DNAJC10: variants seen among roughly 807,000 people sequenced by gnomAD.
DNAJC10 encodes the protein endoplasmic reticulum disulfide reductase DNAJC10.
In DNAJC10, 101 loss-of-function variants were observed where a neutral mutation model predicts 115.0. The ratio of observed to expected loss-of-function variants is 0.88; its 90% CI spans 0.75 to 1.04. The LOEUF is 1.04. DNAJC10 is among the 50% of genes least tolerant of loss of function. The pLI is 0.00. For synonymous variants in DNAJC10, 307 were observed against 301.5 expected, an observed-to-expected ratio of 1.02 and a Z score of -0.19; for missense variants, 981 against 928.8, an observed-to-expected ratio of 1.06 and a Z score of -0.73.
In DNAJC10 at chr2:182,759,209, A is replaced by C; in HGVS notation, c.2047A>C (p.Lys683Gln). The change falls in exon 21 of 24, where the codon AAA becomes CAA. Residue 683 changes from lysine (K) to glutamine (Q), a missense_variant. By Grantham distance (53) the Lys-to-Gln change is moderately conservative. Coordinates refer to ENST00000264065, the MANE Select transcript of DNAJC10 (RefSeq NM_018981.4). ...TDLTPQTFSE[K>Q]VLQGKNHWVI... is the part of the protein sequence containing the mutation. ...TCTAACACCTCAGACTTTCAGTGAAAAAGTTCTACAAGGGAAAAATCATTG... is the reference window on the plus strand; with the variant it reads ...TCTAACACCTCAGACTTTCAGTGAACAAGTTCTACAAGGGAAAAATCATTG... 1 of 1,608,442 alleles carries C rather than the reference A, an allele frequency of 6.2e-7. No individual in the cohort carries two copies. Among genetic ancestry groups the C allele is most frequent in the Non-Finnish European group, 8.5e-7 (1 of 1,178,752 alleles).
Position 182,732,482 on chromosome 2 carries a change from G to A in DNAJC10, c.806-17G>A. ...TAATAAAGGTAAAACTGCCTCATAAGGTTTTTTTGTCCCCAGATTGTTTGA... is the reference window on the plus strand; with the variant it reads ...TAATAAAGGTAAAACTGCCTCATAAAGTTTTTTTGTCCCCAGATTGTTTGA... On this transcript the variant is annotated splice_polypyrimidine_tract_variant and intron_variant, in intron 9 of 23. Coordinates refer to ENST00000264065, the MANE Select transcript of DNAJC10 (RefSeq NM_018981.4). 1 of 1,613,282 alleles carries A rather than the reference G, an allele frequency of 6.2e-7. No homozygotes were observed. The highest frequency in any genetic ancestry group is 1.3e-5 in the African/African-American group (1 of 74,980).
intron 21 of DNAJC10, 70 bp from the exon 22 acceptor site, chr2:182,762,612 C>T: frequency 4.1e-6 from 6 of 1,480,414 alleles, no homozygotes; most frequent in South Asian, 1.2e-5. Context: ...GTTTTATATC[C>T]TATTGCTTTG....
intron 15 of DNAJC10, 26 bp from the exon 16 acceptor site, chr2:182,752,046 G>T: frequency 6.4e-7 from 1 of 1,557,800 alleles, no homozygotes; most frequent in Non-Finnish European, 8.8e-7. Context: ...TTGGCTCGGT[G>T]CTTATGAATA....
At chr2:182,760,404 A>G (rs1251681299) in intron 21 of DNAJC10, among the ~76,000 whole-genome samples, 1 of 152,186 alleles carries the variant, frequency 6.6e-6, no homozygotes, top group African/African-American at 2.4e-5. Flanking sequence ...AATGGAAATA[A>G]TTAGTTGTAG....
chr2:182,729,974 AG>A lies in DNAJC10; in HGVS notation c.727+36del, dbSNP rs753174442. 5.6e-6 allele frequency: 8 copies of A among 1,439,446 alleles called. No individual in the cohort carries two copies. In the Admixed American group the frequency reaches 7.5e-5, roughly 13 times the overall value. The allele number at this position is 1,439,446 out of a possible 1,614,324, so 89.2% of individuals were successfully genotyped here. A position where few individuals can be genotyped will look rare whatever the true frequency, so the allele number is the denominator to read the frequency against. On this transcript the variant is annotated intron_variant, in intron 8 of 23. Coordinates refer to ENST00000264065, the MANE Select transcript of DNAJC10 (RefSeq NM_018981.4). ...TATTTTCTTAATTTGCTTGATTTTC[AG>A]GGTATTTTGAAATCAGTATTTTGTT...
At chr2:182,752,230 A>G in intron 16 of DNAJC10, 42 bp downstream of exon 16, 1 of 1,088,378 alleles carries the variant, frequency 9.2e-7, no homozygotes, top group Non-Finnish European at 1.3e-6. Flanking sequence ...AATTTTATAA[A>G]ATGAAGACCT....
At chr2:182,745,708 G>C (rs115808795) in intron 14 of DNAJC10, among the ~76,000 whole-genome samples, 2,742 of 151,356 alleles carry the variant, frequency 0.018, 43 homozygotes, top group Non-Finnish European at 0.028. Context: ...TTTTTTTATG[G>C]ACAAGTTTTT....
chr2:182,732,477 CAT>C lies in DNAJC10; in HGVS notation c.806-20_806-19del. 3.1e-6 allele frequency: 5 copies of C among 1,613,102 alleles called. No homozygotes were observed. Among genetic ancestry groups the C allele is most frequent in the Non-Finnish European group, 4.2e-6 (5 of 1,179,226 alleles). On this transcript the variant is annotated intron_variant, in intron 9 of 23. Transcript: ENST00000264065. ...AGGCTTAATAAAGGTAAAACTGCCT[CAT>C]AAGGTTTTTTTGTCCCCAGATTGTT...
rs1012408230 is a variant in DNAJC10 at position 182,786,163 on chromosome 2, G to A, written c.*9031G>A. 1 of 152,068 alleles carries A rather than the reference G, an allele frequency of 6.6e-6. No homozygotes were observed. Among genetic ancestry groups the A allele is most frequent in the Non-Finnish European group, 1.5e-5 (1 of 67,988 alleles). 9.4% of individuals were successfully genotyped at this position (152,068 alleles called of 1,614,324 possible). A position where few individuals can be genotyped will look rare whatever the true frequency, so the allele number is the denominator to read the frequency against. ...CGCAAAATATTGTTTTTACAACTAA[G>A]ATAACATTGAAATTTATACAGAACC... On this transcript the variant is annotated 3_prime_UTR_variant, in exon 24 of 24. Coordinates refer to ENST00000264065, the MANE Select transcript of DNAJC10 (RefSeq NM_018981.4).
chr2:182,762,168 AAAAG>A (rs1299696353), intron 21 of DNAJC10, among the ~76,000 whole-genome samples: 2 of 88,336 alleles, frequency 2.3e-5, no homozygotes, highest in African/African-American at 5.8e-5. Context: ...GGAAAAAAAA[AAAAG>A]AGAGAGAGCG....
chr2:182,721,711 C>T (rs1202370772), intron 4 of DNAJC10, among the ~76,000 whole-genome samples: 1 of 151,934 alleles, frequency 6.6e-6, no homozygotes, highest in Non-Finnish European at 1.5e-5. Context: ...TATTTTTGCA[C>T]CTTCCTGAAT....
chr2:182,787,767 A>G lies in DNAJC10; in HGVS notation c.*10635A>G, dbSNP rs1214963074. ...AAACCTCCTCTCTACAAGAAAATTC[A>G]AAAATTAGCCAGGCGTGGTAGGGTA... is the stretch of plus-strand genomic sequence containing the variant. On this transcript the variant is annotated 3_prime_UTR_variant, in exon 24 of 24. Coordinates refer to ENST00000264065, the MANE Select transcript of DNAJC10 (RefSeq NM_018981.4). 6.6e-6 allele frequency: 1 copy of G among 152,066 alleles called. No individual in the cohort carries two copies. Among genetic ancestry groups the G allele is most frequent in the African/African-American group, 2.4e-5 (1 of 41,372 alleles). The allele number at this position is 152,066 out of a possible 1,614,324, so 9.4% of individuals were successfully genotyped here. A position where few individuals can be genotyped will look rare whatever the true frequency, so the allele number is the denominator to read the frequency against.
intron 5 of DNAJC10, among the ~76,000 whole-genome samples, chr2:182,724,255 A>G (rs1403402536): frequency 6.6e-6 from 1 of 152,214 alleles, no homozygotes. Context: ...ACATTAATAC[A>G]TACTTGCTAA....
intron 22 of DNAJC10, among the ~76,000 whole-genome samples, chr2:182,767,826 T>C (rs1416817172): frequency 6.6e-6 from 1 of 152,144 alleles, no homozygotes. Flanking sequence ...ATGCTCAAAC[T>C]GCGTTTCAGG....
intron 1 of DNAJC10, among the ~76,000 whole-genome samples, 159 bp from the exon 2 acceptor site, chr2:182,716,857 C>G (rs1693006868): frequency 6.6e-6 from 1 of 152,198 alleles, no homozygotes; most frequent in Admixed American, 6.5e-5. Context: ...CCCGGTAGCT[C>G]GGGCCACGGG....
At chr2:182,763,196 G>C (rs1244101976) in intron 22 of DNAJC10, among the ~76,000 whole-genome samples, 1 of 151,996 alleles carries the variant, frequency 6.6e-6, no homozygotes, top group Non-Finnish European at 1.5e-5. Context: ...TATTTCCTTA[G>C]TATATTTCTA....
At position 182,787,423 on chromosome 2, in the gene DNAJC10, G is replaced by A. The variant is rs900002652; in HGVS notation, c.*10291G>A. 3.9e-5 allele frequency: 6 copies of A among 152,130 alleles called. No individual in the cohort carries two copies. The highest frequency in any genetic ancestry group is 8.8e-5 in the Non-Finnish European group (6 of 68,028). The allele number at this position is 152,130 out of a possible 1,614,324, so 9.4% of individuals were successfully genotyped here. On this transcript the variant is annotated 3_prime_UTR_variant, in exon 24 of 24. Coordinates refer to ENST00000264065, the MANE Select transcript of DNAJC10 (RefSeq NM_018981.4). ...GTTTATAAGCTCTGCTATTCAAGAA[G>A]TTTATACAAACCCGTAATGTACTAC...
intron 5 of DNAJC10, among the ~76,000 whole-genome samples, chr2:182,726,872 C>CG (rs1210289309): frequency 6.0e-5 from 9 of 151,146 alleles, no homozygotes; most frequent in Non-Finnish European, 4.4e-5. Flanking sequence ...GCTGAGACTG[C>CG]GGGCATGTGC....
rs765118197 is a variant in DNAJC10 at position 182,729,001 on chromosome 2, G to C, written c.633+7G>C. On this transcript the variant is annotated splice_region_variant and intron_variant, in intron 7 of 23. Transcript: ENST00000264065. ...CATTTTTCGGTCTGGAATGGTAAGG[G>C]ATAAAGTTAGCATTTTTTAAATTTG... The C allele has an allele frequency of 1.4e-5, 23 of 1,612,946 alleles. No individual in the cohort carries two copies. Among genetic ancestry groups the C allele is most frequent in the Non-Finnish European group, 1.7e-6 (2 of 1,179,520 alleles).
Sources: allele counts gnomAD v4.1 joint callset (sites outside exome capture counted in the v4.1 genomes callset), GRCh38; gene constraint gnomAD v4.1.1; transcripts MANE v1.5; gene names NCBI Gene and HGNC (gene_info 2026-07-23, HGNC 2026-07-21).